The following H1-3 variants were observed in gnomAD, a reference collection of about 807,000 sequenced individuals.
H1-3 encodes the protein histone H1.3.
In H1-3, 4 loss-of-function variants were observed where a neutral mutation model predicts 3.6. The observed-to-expected ratio is 1.12, with a 90% CI of 0.55 to 2.57. H1-3 has a LOEUF of 2.57. Ranked by LOEUF, H1-3 falls within the 30% of genes most tolerant of loss-of-function variation. The pLI, the probability that H1-3 is intolerant of heterozygous loss-of-function variation, is 0.02. For synonymous variants in H1-3, 266 were observed against 110.0 expected (o/e 2.42, Z -8.87); for missense variants, 670 against 274.3 (o/e 2.44, Z -10.19).
Position 26,234,587 on chromosome 6 carries a change from TC to T in H1-3, c.346del (p.Glu116LysfsTer44). 6.2e-7 allele frequency: 1 copy of T among 1,613,876 alleles called. No homozygotes were observed. Among genetic ancestry groups the T allele is most frequent in the Non-Finnish European group, 8.5e-7 (1 of 1,180,016 alleles). The part of the protein sequence containing the change: ...FKLNKKAASG[E>X]GKPKAKKAGA... ...AGCCTTTTTGGCCTTGGGTTTGCCT[TC>T]CCCGGAAGCCGCTTTCTTGTTGAGT... On this transcript the variant is annotated frameshift_variant, in exon 1 of 1. Transcript: ENST00000244534. LOFTEE classifies it high-confidence loss of function.
At position 26,234,215 on chromosome 6, in the gene H1-3, G is replaced by C. The variant is rs1759717826; in HGVS notation, c.*53C>G. ...CAGCTCTTTTGACTGAGACCTGTGG[G>C]TGGCTCTGAAAAGAGCCGTTTAAAA... On this transcript the variant is annotated 3_prime_UTR_variant, in exon 1 of 1. Coordinates refer to ENST00000244534, the MANE Select transcript of H1-3 (RefSeq NM_005320.3). The C allele has an allele frequency of 6.6e-6, 10 of 1,513,418 alleles. No homozygotes were observed. The Admixed American group carries it at 1.7e-4, about 26-fold the overall frequency. 93.7% of individuals were successfully genotyped at this position (1,513,418 alleles called of 1,614,324 possible).
rs779534270 is a variant in H1-3, at chr6:26,234,295, T to C, written c.639A>G (p.Ala213=). 2 of 1,602,912 alleles carry C rather than the reference T, an allele frequency of 1.2e-6. No homozygotes were observed. The highest frequency in any genetic ancestry group is 1.1e-5 in the South Asian group (1 of 89,094). ...ACTTTTTCTTCGGAGCTGCCTTCTT[T>C]GCCTTTGTAACCTTCGGCTTCCCCG... ...PKSGKPKVTK[A]KKAAPKKK Residue 213 remains alanine, a synonymous_variant, in exon 1 of 1, where the codon GCA becomes GCG. Coordinates refer to ENST00000244534, the MANE Select transcript of H1-3 (RefSeq NM_005320.3).
Position 26,234,352 on chromosome 6 carries a change from T to C in H1-3, c.582A>G (p.Lys194=). 1 of 1,614,250 alleles carries C rather than the reference T, an allele frequency of 6.2e-7. No individual in the cohort carries two copies. The highest frequency in any genetic ancestry group is 2.2e-5 in the East Asian group (1 of 44,888). Residue 194 remains lysine (K), a synonymous_variant, in exon 1 of 1, where the codon AAA becomes AAG. Coordinates refer to ENST00000244534, the MANE Select transcript of H1-3 (RefSeq NM_005320.3). Reference sequence around the variant, plus strand: ...GCTTGGCCGCCTTGGGCTTAGGGGCTTTGGCCTTAGCTGGACTCTTGGCAG... The same window carrying C: ...GCTTGGCCGCCTTGGGCTTAGGGGCCTTGGCCTTAGCTGGACTCTTGGCAG... The part of the protein sequence containing the change: ...KKAAKSPAKA[K]APKPKAAKPK...
Position 26,234,695 on chromosome 6 carries a change from C to A in H1-3, c.239G>T (p.Arg80Leu), listed in dbSNP as rs779646561. 1.2e-6 allele frequency: 2 copies of A among 1,613,946 alleles called. No homozygotes were observed. Among genetic ancestry groups the A allele is most frequent in the Middle Eastern group, 1.7e-4 (1 of 6,048 alleles). The change falls in exon 1 of 1, where the codon CGT (arginine) becomes CTT (leucine). Residue 80 changes from arginine to leucine, a missense_variant. Transcript: ENST00000244534. Reference protein sequence around the residue: ...AGYDVEKNNSRIKLGLKSLVS... With the variant: ...AGYDVEKNNSLIKLGLKSLVS... ...CAAGCTCTTGAGGCCAAGCTTGATA[C>A]GGCTGTTGTTTTTTTCTACATCGTA...
rs753451215 is a variant in H1-3 at position 26,234,230 on chromosome 6, G to C, written c.*38C>G. The C allele has an allele frequency of 2.6e-6, 4 of 1,558,610 alleles. No individual in the cohort carries two copies. The South Asian group carries it at 3.7e-5, about 14-fold the overall frequency. On this transcript the variant is annotated 3_prime_UTR_variant, in exon 1 of 1. Coordinates refer to ENST00000244534, the MANE Select transcript of H1-3 (RefSeq NM_005320.3). ...AGACCTGTGGGTGGCTCTGAAAAGAGCCGTTTAAAATTTTCAAAGGGGAAC... is the reference window on the plus strand; with the variant it reads ...AGACCTGTGGGTGGCTCTGAAAAGACCCGTTTAAAATTTTCAAAGGGGAAC...
At position 26,234,284 on chromosome 6, in the gene H1-3, G is replaced by A. The variant is rs1759722191; in HGVS notation, c.650C>T (p.Ala217Val). The change falls in exon 1 of 1, where the codon GCT (alanine) becomes GTT (valine). Residue 217 changes from alanine (A) to valine (V), a missense_variant. By Grantham distance (64) the Ala-to-Val change is moderately conservative (BLOSUM62 0). Coordinates refer to ENST00000244534, the MANE Select transcript of H1-3 (RefSeq NM_005320.3). ...CCGCCAGTTTCACTTTTTCTTCGGAGCTGCCTTCTTTGCCTTTGTAACCTT... is the reference window on the plus strand; with the variant it reads ...CCGCCAGTTTCACTTTTTCTTCGGAACTGCCTTCTTTGCCTTTGTAACCTT... Reference protein sequence around the residue: ...KPKVTKAKKAAPKKK With the variant: ...KPKVTKAKKAVPKKK 2 of 1,595,344 alleles carry A rather than the reference G, an allele frequency of 1.3e-6. No homozygotes were observed. The highest frequency in any genetic ancestry group is 1.7e-6 in the Non-Finnish European group (2 of 1,174,516).
Position 26,234,893 on chromosome 6 carries a change from G to A in H1-3, c.41C>T (p.Pro14Leu), listed in dbSNP as rs760200626. The A allele has an allele frequency of 4.3e-6, 7 of 1,612,508 alleles. No homozygotes were observed. The highest frequency in any genetic ancestry group is 2.7e-5 in the African/African-American group (2 of 74,706). The part of the protein sequence containing the change: ...TAPLAPTIPA[P>L]AEKTPVKKKA... ...TTTCTTCACAGGTGTTTTTTCTGCG[G>A]GTGCAGGAATGGTAGGAGCAAGTGG... Residue 14 changes from proline to leucine, a missense_variant, in exon 1 of 1, where the codon CCC (proline) becomes CTC (leucine). Transcript: ENST00000244534.
rs774094633 is a variant in H1-3 at position 26,234,855 on chromosome 6, C to T, written c.79G>A (p.Ala27Thr). The T allele has an allele frequency of 9.9e-6, 16 of 1,613,938 alleles. No individual in the cohort carries two copies. Among genetic ancestry groups the T allele is most frequent in the Admixed American group, 1.7e-5 (1 of 59,956 alleles). Residue 27 changes from alanine (A) to threonine (T), a missense_variant, in exon 1 of 1, where the codon GCA (alanine) becomes ACA (threonine). Coordinates refer to ENST00000244534, the MANE Select transcript of H1-3 (RefSeq NM_005320.3). Reference protein sequence around the residue: ...KTPVKKKAKKAGATAGKRKAS... With the variant: ...KTPVKKKAKKTGATAGKRKAS... ...TTGCGTTTCCCAGCAGTTGCGCCTG[C>T]CTTCTTCGCCTTTTTCTTCACAGGT...
chr6:26,234,337 C>T lies in H1-3; in HGVS notation c.597G>A (p.Lys199=), dbSNP rs1473376049. Reference sequence around the variant, plus strand: ...GCTTCCCCGACTTAGGCTTGGCCGCCTTGGGCTTAGGGGCTTTGGCCTTAG... The same window carrying T: ...GCTTCCCCGACTTAGGCTTGGCCGCTTTGGGCTTAGGGGCTTTGGCCTTAG... ...SPAKAKAPKP[K]AAKPKSGKPK... The change falls in exon 1 of 1, where the codon AAG becomes AAA. Residue 199 remains lysine (K), a synonymous_variant. Transcript: ENST00000244534. The T allele has an allele frequency of 2.5e-6, 4 of 1,614,016 alleles. No homozygotes were observed. The highest frequency in any genetic ancestry group is 2.2e-5 in the East Asian group (1 of 44,890).
Position 26,234,466 on chromosome 6 carries a change from A to C in H1-3, c.468T>G (p.Pro156=), listed in dbSNP as rs1490284527. 1 of 1,613,830 alleles carries C rather than the reference A, an allele frequency of 6.2e-7. No individual in the cohort carries two copies. Among genetic ancestry groups the C allele is most frequent in the East Asian group, 2.2e-5 (1 of 44,876 alleles). ...CGGTTGCTGGCTTCTTTACCTTCTT[A>C]GGAGTCTTTTTGATGCTTTTCTTCG... ...ATPKKSIKKT[P]KKVKKPATAA... Residue 156 remains proline (P), a synonymous_variant, in exon 1 of 1, where the codon CCT becomes CCG. Coordinates refer to ENST00000244534, the MANE Select transcript of H1-3 (RefSeq NM_005320.3).
Position 26,234,714 on chromosome 6 carries a change from C to T in H1-3, c.220G>A (p.Val74Ile). 4.3e-6 allele frequency: 7 copies of T among 1,613,414 alleles called. No homozygotes were observed. The highest frequency in any genetic ancestry group is 5.9e-6 in the Non-Finnish European group (7 of 1,179,842). ...KKALAAAGYDVEKNNSRIKLG... is the reference protein window; with the variant it reads ...KKALAAAGYDIEKNNSRIKLG... The stretch of plus-strand genomic sequence containing the variant: ...TTGATACGGCTGTTGTTTTTTTCTA[C>T]ATCGTAGCCAGCAGCCGCAAGCGCT... The change falls in exon 1 of 1, where the codon GTA becomes ATA. Residue 74 changes from valine (V) to isoleucine (I), a missense_variant. By Grantham distance (29) the Val-to-Ile change is conservative. Coordinates refer to ENST00000244534, the MANE Select transcript of H1-3 (RefSeq NM_005320.3).
Position 26,234,366 on chromosome 6 carries a change from G to C in H1-3, c.568C>G (p.Pro190Ala), listed in dbSNP as rs372463278. 2.5e-6 allele frequency: 4 copies of C among 1,614,096 alleles called. No individual in the cohort carries two copies. The African/African-American group carries it at 4.0e-5, about 16-fold the overall frequency. ...GGCTTAGGGGCTTTGGCCTTAGCTG[G>C]ACTCTTGGCAGCTTTTTTTGGCTGA... is the stretch of plus-strand genomic sequence containing the variant. ...TPQPKKAAKS[P>A]AKAKAPKPKA... Residue 190 changes from proline to alanine, a missense_variant, in exon 1 of 1, where the codon CCA (proline) becomes GCA (alanine). Pro to Ala is a conservative substitution (Grantham distance 27). Transcript: ENST00000244534.
rs1759760383 is a variant in H1-3 at position 26,234,888 on chromosome 6, C to T, written c.46G>A (p.Glu16Lys). 1 of 1,612,896 alleles carries T rather than the reference C, an allele frequency of 6.2e-7. No homozygotes were observed. The highest frequency in any genetic ancestry group is 1.7e-5 in the Admixed American group (1 of 59,632). ...GCCTTTTTCTTCACAGGTGTTTTTTCTGCGGGTGCAGGAATGGTAGGAGCA... is the reference window on the plus strand; with the variant it reads ...GCCTTTTTCTTCACAGGTGTTTTTTTTGCGGGTGCAGGAATGGTAGGAGCA... Reference protein sequence around the residue: ...PLAPTIPAPAEKTPVKKKAKK... With the variant: ...PLAPTIPAPAKKTPVKKKAKK... Residue 16 changes from glutamate (E) to lysine (K), a missense_variant, in exon 1 of 1, where the codon GAA (glutamate) becomes AAA (lysine). Glu to Lys is a moderately conservative substitution (Grantham distance 56, BLOSUM62 1). Transcript: ENST00000244534.
Position 26,234,418 on chromosome 6 carries a change from G to A in H1-3, c.516C>T (p.Ala172=). The A allele has an allele frequency of 3.1e-6, 5 of 1,614,084 alleles. No individual in the cohort carries two copies. Among genetic ancestry groups the A allele is most frequent in the Admixed American group, 1.7e-5 (1 of 60,024 alleles). ...GTGTTTTCACCTTTTTCGCACTCTT[G>A]GCCACTTTCTTGGTCCCAGCAGCGG... is the stretch of plus-strand genomic sequence containing the variant. The part of the protein sequence containing the change: ...PATAAGTKKV[A]KSAKKVKTPQ... The change falls in exon 1 of 1, where the codon GCC becomes GCT. Residue 172 remains alanine, a synonymous_variant. Coordinates refer to ENST00000244534, the MANE Select transcript of H1-3 (RefSeq NM_005320.3).
At position 26,234,597 on chromosome 6, in the gene H1-3, C is replaced by T. The variant is rs147157401; in HGVS notation, c.337G>A (p.Ala113Thr). The T allele has an allele frequency of 1.9e-6, 3 of 1,613,976 alleles. No individual in the cohort carries two copies. Among genetic ancestry groups the T allele is most frequent in the Non-Finnish European group, 8.5e-7 (1 of 1,180,016 alleles). The change falls in exon 1 of 1, where the codon GCT becomes ACT. Residue 113 changes from alanine (A) to threonine (T), a missense_variant. By Grantham distance (58) the Ala-to-Thr change is moderately conservative. Transcript: ENST00000244534. ...SGSFKLNKKAASGEGKPKAKK... is the reference protein window; with the variant it reads ...SGSFKLNKKATSGEGKPKAKK... Reference sequence around the variant, plus strand: ...GCCTTGGGTTTGCCTTCCCCGGAAGCCGCTTTCTTGTTGAGTTTGAAGGAG... The same window carrying T: ...GCCTTGGGTTTGCCTTCCCCGGAAGTCGCTTTCTTGTTGAGTTTGAAGGAG...
At position 26,234,417 on chromosome 6, in the gene H1-3, T is replaced by G; in HGVS notation, c.517A>C (p.Lys173Gln). Residue 173 changes from lysine (K) to glutamine (Q), a missense_variant, in exon 1 of 1, where the codon AAG (lysine) becomes CAG (glutamine). Lys to Gln is a moderately conservative substitution (Grantham distance 53). Coordinates refer to ENST00000244534, the MANE Select transcript of H1-3 (RefSeq NM_005320.3). ...ATAAGTKKVAKSAKKVKTPQP... is the reference protein window; with the variant it reads ...ATAAGTKKVAQSAKKVKTPQP... ...GGTGTTTTCACCTTTTTCGCACTCT[T>G]GGCCACTTTCTTGGTCCCAGCAGCG... 6.2e-7 allele frequency: 1 copy of G among 1,614,210 alleles called. No homozygotes were observed. The highest frequency in any genetic ancestry group is 8.5e-7 in the Non-Finnish European group (1 of 1,180,034).
In H1-3 at chr6:26,234,934, GT is replaced by G. The variant is rs768502952; in HGVS notation, c.-2del. On this transcript the variant is annotated 5_prime_UTR_variant, in exon 1 of 1. Coordinates refer to ENST00000244534, the MANE Select transcript of H1-3 (RefSeq NM_005320.3). ...GAGCAAGTGGAGCAGTCTCCGACAT[GT>G]TTTTGTCTTCCCAGAAAAGACAATA... 6.3e-7 allele frequency: 1 copy of G among 1,594,160 alleles called. No homozygotes were observed. Among genetic ancestry groups the G allele is most frequent in the Non-Finnish European group, 8.5e-7 (1 of 1,173,008 alleles).
chr6:26,234,895 T>G lies in H1-3; in HGVS notation c.39A>C (p.Ala13=). 3.7e-6 allele frequency: 6 copies of G among 1,612,670 alleles called. No homozygotes were observed. Among genetic ancestry groups the G allele is most frequent in the Non-Finnish European group, 4.2e-6 (5 of 1,179,600 alleles). Residue 13 remains alanine, a synonymous_variant, in exon 1 of 1, where the codon GCA becomes GCC. Transcript: ENST00000244534. ...TCTTCACAGGTGTTTTTTCTGCGGG[T>G]GCAGGAATGGTAGGAGCAAGTGGAG... ...ETAPLAPTIP[A]PAEKTPVKKK...
chr6:26,234,699 T>A lies in H1-3; in HGVS notation c.235A>T (p.Ser79Cys). 6.2e-7 allele frequency: 1 copy of A among 1,613,754 alleles called. No individual in the cohort carries two copies. The highest frequency in any genetic ancestry group is 8.5e-7 in the Non-Finnish European group (1 of 1,179,864). Residue 79 changes from serine to cysteine, a missense_variant, in exon 1 of 1, where the codon AGC becomes TGC. By Grantham distance (112) the Ser-to-Cys change is moderately radical (BLOSUM62 -1). Coordinates refer to ENST00000244534, the MANE Select transcript of H1-3 (RefSeq NM_005320.3). ...CTCTTGAGGCCAAGCTTGATACGGCTGTTGTTTTTTTCTACATCGTAGCCA... is the reference window on the plus strand; with the variant it reads ...CTCTTGAGGCCAAGCTTGATACGGCAGTTGTTTTTTTCTACATCGTAGCCA... ...AAGYDVEKNN[S>C]RIKLGLKSLV...
Sources: allele counts gnomAD v4.1 joint callset, GRCh38; gene constraint gnomAD v4.1.1; transcripts MANE v1.5; gene names NCBI Gene and HGNC (gene_info 2026-07-23, HGNC 2026-07-21).